Variants in MYH13 observed in about 807,000 individuals in gnomAD.
The protein encoded by MYH13 is myosin heavy chain 13, also known as myosin-13.
In MYH13, 177 loss-of-function variants were observed where a neutral mutation model predicts 232.1. The ratio of observed to expected loss-of-function variants is 0.76; its 90% CI spans 0.67 to 0.86. The LOEUF is 0.86. MYH13 is among the 40% of genes least tolerant of loss of function. The pLI is 0.00. For missense variants in MYH13, 2,246 were observed against 2,405.9 expected, an observed-to-expected ratio of 0.93 and a Z score of 1.39; for synonymous variants, 884 against 923.5, an observed-to-expected ratio of 0.96 and a Z score of 0.78.
At chr17:10,302,952 G>A (rs141862369) in intron 39 of MYH13, among the ~76,000 whole-genome samples, 13 of 152,162 alleles carry the variant, frequency 8.5e-5, no homozygotes, top group African/African-American at 2.9e-4. Context: ...ACGGTGGGCA[G>A]GATGAAGGGG....
chr17:10,351,153 G>A (rs372646519), intron 11 of MYH13, among the ~76,000 whole-genome samples: 17 of 144,022 alleles, frequency 1.2e-4, no homozygotes, highest in South Asian at 4.4e-4. Context: ...CCTGGGAGGC[G>A]GAGGTTGGAG....
chr17:10,362,522 A>G lies in MYH13; in HGVS notation c.205-19T>C. ...TGAGCATCTGGGTATTGAGAGGAAA[A>G]GCAGGTAATAAATTGGTGAGCCAAG... On this transcript the variant is annotated intron_variant, in intron 3 of 40. Transcript: ENST00000252172. 6.2e-7 allele frequency: 1 copy of G among 1,614,020 alleles called. No homozygotes were observed. Among genetic ancestry groups the G allele is most frequent in the African/African-American group, 1.3e-5 (1 of 75,000 alleles).
chr17:10,360,978 T>C (rs996122833), intron 5 of MYH13, among the ~76,000 whole-genome samples: 18 of 152,190 alleles, frequency 1.2e-4, no homozygotes, highest in African/African-American at 3.9e-4. Flanking sequence ...AGATTCTCTC[T>C]CAGCGTCCTC....
Position 10,355,828 on chromosome 17 carries a change from C to CTTTTTTTTTTTTTTTTTTTTTTTTT in MYH13, c.739-706_739-682dup, listed in dbSNP as rs61338527. 7.5e-5 allele frequency among the ~76,000 whole-genome samples: 5 copies of CTTTTTTTTTTTTTTTTTTTTTTTTT among 66,768 alleles called. 1 individual carries two copies. Among genetic ancestry groups the CTTTTTTTTTTTTTTTTTTTTTTTTT allele is most frequent in the African/African-American group, 2.6e-4 (4 of 15,392 alleles). The allele number at this position is 66,768 out of a possible 152,430, so 43.8% of individuals were successfully genotyped here. ...TAACTGGTTGGATTGTTCTGTCTGA[C>CTTTTTTTTTTTTTTTTTTTTTTTTT]TTTTTTTTTTTTTTTTTTTTTTTTT... On this transcript the variant is annotated intron_variant, in intron 8 of 40. Transcript: ENST00000252172.
rs1907421549 is a variant in MYH13, at chr17:10,332,001, G to A, written c.2298+98C>T. The A allele has an allele frequency of 2.0e-6, 3 of 1,503,284 alleles. No homozygotes were observed. In the African/African-American group the frequency reaches 4.1e-5, roughly 21 times the overall value. 93.1% of individuals were successfully genotyped at this position (1,503,284 alleles called of 1,614,324 possible). Reference sequence around the variant, plus strand: ...TGGGCGACTGGGCAAGGACGGTCAGGTGGACCAAAAGGAGAAGGGGACCCT... The same window carrying A: ...TGGGCGACTGGGCAAGGACGGTCAGATGGACCAAAAGGAGAAGGGGACCCT... On this transcript the variant is annotated intron_variant, in intron 20 of 40. Transcript: ENST00000252172.
In MYH13 at chr17:10,304,076, A is replaced by C. The variant is rs969500833; in HGVS notation, c.5467-578T>G. 6.6e-6 allele frequency among the ~76,000 whole-genome samples: 1 copy of C among 152,178 alleles called. No homozygotes were observed. Among genetic ancestry groups the C allele is most frequent in the Non-Finnish European group, 1.5e-5 (1 of 68,030 alleles). On this transcript the variant is annotated intron_variant, in intron 37 of 40. Coordinates refer to ENST00000252172, the MANE Select transcript of MYH13 (RefSeq NM_003802.3). The surrounding 1 kb of genome is among the most constrained non-coding windows in gnomAD (Gnocchi z 5.3). ...AGTGGGAGTTGAACAATGAGAACAC[A>C]TGGTCACAGTAAAGGGAAGATCATA...
intron 27 of MYH13, among the ~76,000 whole-genome samples, chr17:10,317,082 C>T (rs536623837): frequency 1.3e-5 from 2 of 152,174 alleles, no homozygotes. Context: ...TGCTGCTTCC[C>T]CTGGATGTTA....
intron 12 of MYH13, among the ~76,000 whole-genome samples, chr17:10,350,011 G>C (rs1686450984): frequency 6.6e-6 from 1 of 152,182 alleles, no homozygotes; most frequent in African/African-American, 2.4e-5. Flanking sequence ...GCTGCCCTGT[G>C]CTCTAGTTCC....
chr17:10,362,077 A>G, intron 5 of MYH13, 41 bp downstream of exon 5: 1 of 1,612,940 alleles, frequency 6.2e-7, no homozygotes, highest in South Asian at 1.1e-5. Flanking sequence ...AAAATTAACT[A>G]AGGATGGCTT....
Position 10,333,095 on chromosome 17 carries a change from AG to A in MYH13, c.2152del (p.Leu718SerfsTer63). ...CTACCGCTGCTTGAAGTCAGCATAG[AG>A]GATCCGGCTGGGGAATCCCTTCCTG... ...ICRKGFPSRILYADFKQRYRI... is the reference protein window; with the variant it reads ...ICRKGFPSRIXYADFKQRYRI... On this transcript the variant is annotated frameshift_variant, in exon 19 of 41. Coordinates refer to ENST00000252172, the MANE Select transcript of MYH13 (RefSeq NM_003802.3). LOFTEE classifies it high-confidence loss of function. The A allele has an allele frequency of 6.4e-7, 1 of 1,551,374 alleles. No homozygotes were observed. Among genetic ancestry groups the A allele is most frequent in the Non-Finnish European group, 8.7e-7 (1 of 1,146,652 alleles).
chr17:10,323,043 T>TA (rs1270073990), intron 23 of MYH13, among the ~76,000 whole-genome samples: 1 of 152,164 alleles, frequency 6.6e-6, no homozygotes, highest in Non-Finnish European at 1.5e-5. Context: ...CTGTGTTATC[T>TA]ACTACATTTT....
chr17:10,333,743 C>T (rs1907492929), intron 18 of MYH13, among the ~76,000 whole-genome samples: 1 of 152,008 alleles, frequency 6.6e-6, no homozygotes, highest in South Asian at 2.1e-4. Context: ...CCAGTCTCTA[C>T]AGAAAAATAC....
rs1412014090 is a variant in MYH13 at position 10,343,878 on chromosome 17, T to C, written c.1816A>G (p.Thr606Ala). 6.2e-7 allele frequency: 1 copy of C among 1,614,160 alleles called. No individual in the cohort carries two copies. The highest frequency in any genetic ancestry group is 8.5e-7 in the Non-Finnish European group (1 of 1,180,012). ...GACTTCTGGTACAGCCCCACCACAG[T>C]CTCGTTCAGGGGGTCCTTGTTTTTG... ...LDKNKDPLNE[T>A]VVGLYQKSSL... The change falls in exon 16 of 41, where the codon ACT (threonine) becomes GCT (alanine). Residue 606 changes from threonine to alanine, a missense_variant. Coordinates refer to ENST00000252172, the MANE Select transcript of MYH13 (RefSeq NM_003802.3).
At chr17:10,333,678 G>A (rs62058074) in intron 18 of MYH13, among the ~76,000 whole-genome samples, 33,212 of 152,144 alleles carry the variant, frequency 0.22, 4,315 homozygotes, top group Non-Finnish European at 0.29. Context: ...AGGCCGAGGT[G>A]GGTGTATCGC....
At chr17:10,361,972 T>C in intron 5 of MYH13, 146 bp downstream of exon 5, 2 of 1,476,478 alleles carry the variant, frequency 1.4e-6, no homozygotes, top group East Asian at 4.6e-5. Flanking sequence ...TGGAAGATGT[T>C]GTACCCTTTG....
chr17:10,309,308 T>C lies in MYH13; in HGVS notation c.5095A>G (p.Thr1699Ala). 1 of 1,613,960 alleles carries C rather than the reference T, an allele frequency of 6.2e-7. No individual in the cohort carries two copies. Among genetic ancestry groups the C allele is most frequent in the South Asian group, 1.1e-5 (1 of 91,084 alleles). ...TCTGACAGCCTGCGGGTCCGCTCCG[T>C]CTGTTCCAGGGCCACCTTCATTTCC... is the stretch of plus-strand genomic sequence containing the variant. Reference protein sequence around the residue: ...LEEMKVALEQTERTRRLSEQE... With the variant: ...LEEMKVALEQAERTRRLSEQE... The change falls in exon 35 of 41, where the codon ACG becomes GCG. Residue 1699 changes from threonine to alanine, a missense_variant. Coordinates refer to ENST00000252172, the MANE Select transcript of MYH13 (RefSeq NM_003802.3).
rs1483583986 is a variant in MYH13, at chr17:10,313,191, G to A, written c.4148C>T (p.Ala1383Val). The A allele has an allele frequency of 6.2e-7, 1 of 1,614,036 alleles. No homozygotes were observed. The highest frequency in any genetic ancestry group is 8.5e-7 in the Non-Finnish European group (1 of 1,180,034). Reference protein sequence around the residue: ...AQWRTKYETDAIQRTEELEEA... With the variant: ...AQWRTKYETDVIQRTEELEEA... Reference sequence around the variant, plus strand: ...CTCCAGCTCCTCTGTGCGCTGAATGGCGTCCGTCTCGTATTTGGTCCTCCA... The same window carrying A: ...CTCCAGCTCCTCTGTGCGCTGAATGACGTCCGTCTCGTATTTGGTCCTCCA... The change falls in exon 30 of 41, where the codon GCC (alanine) becomes GTC (valine). Residue 1383 changes from alanine (A) to valine (V), a missense_variant. By Grantham distance (64) the Ala-to-Val change is moderately conservative. Transcript: ENST00000252172.
intron 18 of MYH13, among the ~76,000 whole-genome samples, chr17:10,336,536 G>A (rs1278715208): frequency 2.0e-5 from 3 of 152,018 alleles, no homozygotes; most frequent in Non-Finnish European, 4.4e-5. Flanking sequence ...GCCATTCCAG[G>A]AGATGGCAAA....
At chr17:10,334,735 C>T (rs1216713770) in intron 18 of MYH13, among the ~76,000 whole-genome samples, 5 of 151,946 alleles carry the variant, frequency 3.3e-5, no homozygotes, top group East Asian at 1.9e-4. Flanking sequence ...AAAAATTAGC[C>T]GGGCGTGGTG....
Sources: allele counts gnomAD v4.1 joint callset (sites outside exome capture counted in the v4.1 genomes callset), GRCh38; gene constraint gnomAD v4.1.1; non-coding constraint Gnocchi (gnomAD v3.1); transcripts MANE v1.5; gene names NCBI Gene and HGNC (gene_info 2026-07-23, HGNC 2026-07-21).